AGBL4: variants seen among roughly 807,000 people sequenced by gnomAD.
AGBL4 encodes the protein AGBL carboxypeptidase 4, also known as cytosolic carboxypeptidase 6.
Under a neutral mutation model 66.4 loss-of-function variants are expected in AGBL4, and 58 were observed. The observed-to-expected ratio is 0.87, with a 90% confidence interval of 0.71 to 1.09. AGBL4 has a LOEUF of 1.09. AGBL4 is among the 50% of genes least tolerant of loss of function. The pLI is 0.00. For missense variants in AGBL4, 579 were observed against 631.0 expected (o/e 0.92, Z 0.88); for synonymous variants, 234 against 222.9 (o/e 1.05, Z -0.44).
intron 6 of AGBL4, chr1:48,776,937 G>A (rs1645129045): frequency 3.5e-6 from 2 of 564,772 alleles, no homozygotes; most frequent in Non-Finnish European, 5.8e-6. Flanking sequence ...GCTGGGGGGG[G>A]CGGGGGCGGC....
intron 3 of AGBL4, among the ~76,000 whole-genome samples, chr1:49,635,761 G>C (rs1645659041): frequency 6.6e-6 from 1 of 152,192 alleles, no homozygotes; most frequent in Non-Finnish European, 1.5e-5. Flanking sequence ...GAGGAAGGGA[G>C]AGAACTCTCA....
intron 2 of AGBL4, among the ~76,000 whole-genome samples, chr1:49,829,194 A>C (rs1645591294): frequency 6.6e-6 from 1 of 152,198 alleles, no homozygotes; most frequent in South Asian, 2.1e-4. Flanking sequence ...AATAATTCTT[A>C]ATGGACGGAT....
At chr1:49,614,193 G>T (rs996650657) in intron 3 of AGBL4, among the ~76,000 whole-genome samples, 1 of 152,144 alleles carries the variant, frequency 6.6e-6, no homozygotes, top group Non-Finnish European at 1.5e-5. Flanking sequence ...AAACAGCACT[G>T]CAGAGGCCTC....
At chr1:49,664,638 G>A (rs1646328303) in intron 3 of AGBL4, among the ~76,000 whole-genome samples, 1 of 151,956 alleles carries the variant, frequency 6.6e-6, no homozygotes, top group Non-Finnish European at 1.5e-5. Flanking sequence ...AAATTTCAAC[G>A]GTGCATAATA....
intron 6 of AGBL4, among the ~76,000 whole-genome samples, chr1:48,773,649 T>C (rs1267054810): frequency 6.6e-6 from 1 of 152,168 alleles, no homozygotes; most frequent in Non-Finnish European, 1.5e-5. Context: ...TCCTTCCAAA[T>C]CATGCTGTGT....
At chr1:49,591,697 G>T (rs1426931867) in intron 3 of AGBL4, among the ~76,000 whole-genome samples, 2 of 152,032 alleles carry the variant, frequency 1.3e-5, no homozygotes, top group Admixed American at 6.6e-5. Context: ...ATACTACAGG[G>T]CTACTGAAAC....
chr1:49,471,900 G>A (rs1369635858), intron 3 of AGBL4: 2 of 152,064 alleles, frequency 1.3e-5, no homozygotes, highest in Non-Finnish European at 1.5e-5. Flanking sequence ...CAAGTAAGAA[G>A]CTGAGACCTT....
intron 2 of AGBL4, among the ~76,000 whole-genome samples, chr1:49,779,720 A>G (rs1486018929): frequency 6.6e-6 from 1 of 152,114 alleles, no homozygotes; most frequent in Admixed American, 6.6e-5. Context: ...TAGGGAATGC[A>G]GTTTTCCCCA....
At chr1:48,808,092 A>C (rs1249750099) in intron 6 of AGBL4, among the ~76,000 whole-genome samples, 2 of 152,172 alleles carry the variant, frequency 1.3e-5, no homozygotes, top group Admixed American at 1.3e-4. Flanking sequence ...TCAGTGAGTC[A>C]TTAAATACCA....
At chr1:50,003,865 T>A (rs1292418289) in intron 1 of AGBL4, among the ~76,000 whole-genome samples, 1 of 152,144 alleles carries the variant, frequency 6.6e-6, no homozygotes. Context: ...AGTTCTTGGG[T>A]GGAGCCAGAC....
intron 3 of AGBL4, among the ~76,000 whole-genome samples, chr1:49,511,018 G>C (rs1428190739): frequency 1.3e-5 from 2 of 151,848 alleles, no homozygotes; most frequent in Non-Finnish European, 2.9e-5. Context: ...CAGGTAGTGT[G>C]ATGCCTCCAG....
intron 5 of AGBL4, among the ~76,000 whole-genome samples, chr1:48,965,812 C>G (rs1470933352): frequency 6.6e-6 from 1 of 152,102 alleles, no homozygotes; most frequent in Non-Finnish European, 1.5e-5. Context: ...GTAGGGGAGC[C>G]TACAAATACC....
At chr1:48,832,678 T>G (rs1274641927) in intron 6 of AGBL4, among the ~76,000 whole-genome samples, 1 of 152,182 alleles carries the variant, frequency 6.6e-6, no homozygotes, top group Non-Finnish European at 1.5e-5. Flanking sequence ...CATGCCTATG[T>G]GGGTGTTTCT....
At chr1:48,590,653 T>C (rs1451904298) in intron 10 of AGBL4, among the ~76,000 whole-genome samples, 180 bp downstream of exon 10, 1 of 152,152 alleles carries the variant, frequency 6.6e-6, no homozygotes, top group Non-Finnish European at 1.5e-5. Flanking sequence ...CCCTGACTGG[T>C]GATGAGCAGC....
chr1:48,611,928 C>T (rs1645245143), intron 9 of AGBL4, among the ~76,000 whole-genome samples: 1 of 152,192 alleles, frequency 6.6e-6, no homozygotes, highest in Non-Finnish European at 1.5e-5. Flanking sequence ...TTTTAAAGTT[C>T]AAATCCTGCC....
chr1:49,914,302 C>A (rs1651165275), intron 1 of AGBL4, among the ~76,000 whole-genome samples: 1 of 152,214 alleles, frequency 6.6e-6, no homozygotes, highest in Non-Finnish European at 1.5e-5. Flanking sequence ...CACCAGATAT[C>A]CTTGTTCATC....
At chr1:49,243,968 C>A (rs1021319341) in intron 4 of AGBL4, among the ~76,000 whole-genome samples, 2 of 151,650 alleles carry the variant, frequency 1.3e-5, no homozygotes, top group Non-Finnish European at 3.0e-5. Flanking sequence ...CATAAGAGCA[C>A]CAACTTAATT....
intron 3 of AGBL4, among the ~76,000 whole-genome samples, chr1:49,633,954 ATT>A (rs67650622): frequency 0.022 from 3,337 of 148,364 alleles, 110 homozygotes; most frequent in African/African-American, 0.076. Context: ...TATTAAAATA[ATT>A]TTTTTTCATA....
chr1:49,279,613 T>C (rs1030895831), intron 3 of AGBL4, among the ~76,000 whole-genome samples: 2 of 151,940 alleles, frequency 1.3e-5, no homozygotes, highest in South Asian at 2.1e-4. Context: ...CTTAGGAAAA[T>C]TACTTGCTGT....
Sources: gnomAD v4.1 joint callset for allele counts (sites outside exome capture counted in the v4.1 genomes callset) on GRCh38, gnomAD v4.1.1 for gene constraint, MANE v1.5 for transcripts, NCBI Gene and HGNC (gene_info 2026-07-23, HGNC 2026-07-21) for gene names.